MBL2: variants seen among roughly 807,000 people sequenced by gnomAD.
The protein encoded by MBL2 is mannose binding lectin 2.
MBL2 carries 6 observed loss-of-function variants against 12.7 expected under a neutral mutation model. The observed-to-expected ratio is 0.47, with a 90% CI of 0.26 to 0.94. The LOEUF is 0.94. Ranked by LOEUF, MBL2 falls within the 40% of genes least tolerant of loss-of-function variation. MBL2 has a pLI of 0.15. For synonymous variants in MBL2, 114 were observed against 112.0 expected (o/e 1.02, Z -0.11); for missense variants, 307 against 295.2 (o/e 1.04, Z -0.29).
chr10:52,768,126 G>A lies in MBL2; in HGVS notation c.*11C>T. Reference sequence around the variant, plus strand: ...GTAAAAAGACAAGGAGGGCCTGAGTGATATGACCCTTCAGATAGGGAACTC... The same window carrying A: ...GTAAAAAGACAAGGAGGGCCTGAGTAATATGACCCTTCAGATAGGGAACTC... On this transcript the variant is annotated 3_prime_UTR_variant, in exon 5 of 5. Coordinates refer to ENST00000674931, the MANE Select transcript of MBL2 (RefSeq NM_001378373.1). The A allele has an allele frequency of 1.3e-6, 2 of 1,590,702 alleles. No homozygotes were observed. The highest frequency in any genetic ancestry group is 1.7e-6 in the Non-Finnish European group (2 of 1,168,352).
chr10:52,768,473 C>T lies in MBL2; in HGVS notation c.411G>A (p.Lys137=). 3 of 1,593,518 alleles carry T rather than the reference C, an allele frequency of 1.9e-6. No homozygotes were observed. Among genetic ancestry groups the T allele is most frequent in the African/African-American group, 1.4e-5 (1 of 73,974 alleles). Reference sequence around the variant, plus strand: ...TTATTTCACCATTGGTCAGGAAGAACTTGTTCCCAACTTGTTTGCCCAGAG... The same window carrying T: ...TTATTTCACCATTGGTCAGGAAGAATTTGTTCCCAACTTGTTTGCCCAGAG... ...TFSLGKQVGN[K]FFLTNGEIMT... The change falls in exon 5 of 5, where the codon AAG becomes AAA. Residue 137 remains lysine (K), a synonymous_variant. Transcript: ENST00000674931.
Position 52,768,100 on chromosome 10 carries a change from A to G in MBL2, c.*37T>C. On this transcript the variant is annotated 3_prime_UTR_variant, in exon 5 of 5. Coordinates refer to ENST00000674931, the MANE Select transcript of MBL2 (RefSeq NM_001378373.1). ...AGCATACTGTGGGCCTGTGGGTTGC[A>G]GTAAAAAGACAAGGAGGGCCTGAGT... is the stretch of plus-strand genomic sequence containing the variant. 1 of 1,549,896 alleles carries G rather than the reference A, an allele frequency of 6.5e-7. No homozygotes were observed.
Position 52,766,250 on chromosome 10 carries a change from C to G in MBL2, c.*1887G>C, listed in dbSNP as rs1175163470. The G allele has an allele frequency of 2.0e-5, 3 of 152,040 alleles. No individual in the cohort carries two copies. The highest frequency in any genetic ancestry group is 4.8e-5 in the African/African-American group (2 of 41,404). The allele number at this position is 152,040 out of a possible 1,614,324, so 9.4% of individuals were successfully genotyped here. A position where few individuals can be genotyped will look rare whatever the true frequency, so the allele number is the denominator to read the frequency against. ...CTGTTTCTAATATTTATATGGAAAT[C>G]TTGACTTTAAGAAGAACAAAGCTGG... On this transcript the variant is annotated 3_prime_UTR_variant, in exon 5 of 5. Transcript: ENST00000674931.
Position 52,768,273 on chromosome 10 carries a change from G to C in MBL2, c.611C>G (p.Thr204Ser). ...TTCACCCTCGTTCCAGTTTGTGTAG[G>C]TCAGTCTATTTCCTGTCAGATCCAC... The part of the protein sequence containing the change: ...QFVDLTGNRL[T>S]YTNWNEGEPN... Residue 204 changes from threonine (T) to serine (S), a missense_variant, in exon 5 of 5, where the codon ACC (threonine) becomes AGC (serine). Transcript: ENST00000674931. 6.2e-7 allele frequency: 1 copy of C among 1,613,572 alleles called. No individual in the cohort carries two copies. The highest frequency in any genetic ancestry group is 8.5e-7 in the Non-Finnish European group (1 of 1,179,952).
intron 3 of MBL2, among the ~76,000 whole-genome samples, chr10:52,769,568 T>TA (rs2132692545): frequency 1.3e-5 from 2 of 152,334 alleles, no homozygotes; most frequent in South Asian, 4.1e-4. Flanking sequence ...CATGCACACA[T>TA]ATACTCCCTG....
chr10:52,771,775 G>A, intron 1 of MBL2, 131 bp from the exon 2 acceptor site: 20 of 1,317,278 alleles, frequency 1.5e-5, no homozygotes, highest in Non-Finnish European at 1.8e-5. Context: ...CTCTAGCTGG[G>A]GATTTGGAAA....
rs763814037 is a variant in MBL2, at chr10:52,769,452, A to T, written c.305-137T>A. Reference sequence around the variant, plus strand: ...ATTGATGTTTACACTTTGAAGGAAAATAAAAAATACTGAAAAGCCCAAAGA... The same window carrying T: ...ATTGATGTTTACACTTTGAAGGAAATTAAAAAATACTGAAAAGCCCAAAGA... On this transcript the variant is annotated intron_variant, in intron 3 of 4. Coordinates refer to ENST00000674931, the MANE Select transcript of MBL2 (RefSeq NM_001378373.1). The T allele has an allele frequency of 1.7e-4, 98 of 567,612 alleles. 1 individual carries two copies. In the Middle Eastern group the frequency reaches 2.5e-3, roughly 15 times the overall value. The allele number at this position is 567,612 out of a possible 1,614,324, so 35.2% of individuals were successfully genotyped here.
In MBL2 at chr10:52,768,511, C is replaced by T; in HGVS notation, c.374-1G>A. 6.5e-7 allele frequency: 1 copy of T among 1,532,038 alleles called. No homozygotes were observed. The highest frequency in any genetic ancestry group is 1.4e-5 in the African/African-American group (1 of 71,998). 94.9% of individuals were successfully genotyped at this position (1,532,038 alleles called of 1,614,324 possible). A position where few individuals can be genotyped will look rare whatever the true frequency, so the allele number is the denominator to read the frequency against. On this transcript the variant is annotated splice_acceptor_variant, in intron 4 of 4. Transcript: ENST00000674931. LOFTEE classifies it high-confidence loss of function. ...TGTTTGCCCAGAGAGAAGGTGAGCC[C>T]TAAAATGTGAAAAAGTGGGTGAAAC...
chr10:52,768,185 G>A lies in MBL2; in HGVS notation c.699C>T (p.Asp233=), dbSNP rs755979217. The change falls in exon 5 of 5, where the codon GAC becomes GAT. Residue 233 remains aspartate, a synonymous_variant. Transcript: ENST00000674931. ...CCAGATGGGAGGTGGAGCAGGGGAC[G>A]TCATTCCACTGGCCATTTTTCAGTA... ...VLLLKNGQWN[D]VPCSTSHLAV... The A allele has an allele frequency of 1.9e-5, 31 of 1,612,932 alleles. No individual in the cohort carries two copies. Among genetic ancestry groups the A allele is most frequent in the South Asian group, 1.2e-4 (11 of 90,962 alleles).
At chr10:52,771,838 C>A in intron 1 of MBL2, 194 bp from the exon 2 acceptor site, 1 of 725,730 alleles carries the variant, frequency 1.4e-6, no homozygotes, top group Middle Eastern at 4.1e-4. Context: ...AAGGTAGGCA[C>A]TATGATGAGC....
chr10:52,770,711 G>A lies in MBL2; in HGVS notation c.263C>T (p.Pro88Leu). 1 of 1,521,202 alleles carries A rather than the reference G, an allele frequency of 6.6e-7. No individual in the cohort carries two copies. The highest frequency in any genetic ancestry group is 8.9e-7 in the Non-Finnish European group (1 of 1,126,424). 94.2% of individuals were successfully genotyped at this position (1,521,202 alleles called of 1,614,324 possible). A position where few individuals can be genotyped will look rare whatever the true frequency, so the allele number is the denominator to read the frequency against. ...PPGNPGPSGSPGPKGQKGDPG... is the reference protein window; with the variant it reads ...PPGNPGPSGSLGPKGQKGDPG... Reference sequence around the variant, plus strand: ...GTCTCCTTTTTGGCCCTTTGGTCCTGGTGACCCAGAAGGCCCTGGATTTCC... The same window carrying A: ...GTCTCCTTTTTGGCCCTTTGGTCCTAGTGACCCAGAAGGCCCTGGATTTCC... The change falls in exon 3 of 5, where the codon CCA (proline) becomes CTA (leucine). Residue 88 changes from proline to leucine, a missense_variant. Coordinates refer to ENST00000674931, the MANE Select transcript of MBL2 (RefSeq NM_001378373.1).
At chr10:52,768,572 A>C in intron 4 of MBL2, 62 bp from the exon 5 acceptor site, 379 of 1,292,638 alleles carry the variant, frequency 2.9e-4, no homozygotes, top group Non-Finnish European at 3.7e-4. Context: ...GGTATTTCTC[A>C]AGAAAAAGTC....
At chr10:52,768,816 A>G (rs540861438) in intron 4 of MBL2, among the ~76,000 whole-genome samples, 1 of 152,222 alleles carries the variant, frequency 6.6e-6, no homozygotes, top group African/African-American at 2.4e-5. Flanking sequence ...CTTTCAGATC[A>G]GAATTCTAAA....
At position 52,771,438 on chromosome 10, in the gene MBL2, C is replaced by T; in HGVS notation, c.187+11G>A. ...TAAAGAATTGCAGAGACAGAACAGCCCAACACGTACCTGGTTCCCCCTTTT... is the reference window on the plus strand; with the variant it reads ...TAAAGAATTGCAGAGACAGAACAGCTCAACACGTACCTGGTTCCCCCTTTT... On this transcript the variant is annotated intron_variant, in intron 2 of 4. Coordinates refer to ENST00000674931, the MANE Select transcript of MBL2 (RefSeq NM_001378373.1). 2.5e-6 allele frequency: 4 copies of T among 1,613,046 alleles called. 1 individual carries two copies. The highest frequency in any genetic ancestry group is 3.4e-6 in the Non-Finnish European group (4 of 1,179,650).
rs1564435464 is a variant in MBL2 at position 52,768,433 on chromosome 10, CT to C, written c.450del (p.Val151Ter). The C allele has an allele frequency of 1.2e-6, 2 of 1,611,478 alleles. No individual in the cohort carries two copies. Among genetic ancestry groups the C allele is most frequent in the Admixed American group, 3.4e-5 (2 of 59,472 alleles). On this transcript the variant is annotated frameshift_variant, in exon 5 of 5. Coordinates refer to ENST00000674931, the MANE Select transcript of MBL2 (RefSeq NM_001378373.1). LOFTEE classifies it low-confidence loss of function (END_TRUNC). ...TGGAACTTGACACACAAGGCCTTCA[CT>C]TTTTCAAAGGTCATTATTTCACCAT... ...LTNGEIMTFE[K>X]VKALCVKFQA...
chr10:52,768,428 C>A lies in MBL2; in HGVS notation c.456G>T (p.Lys152Asn), dbSNP rs923026549. 6.2e-7 allele frequency: 1 copy of A among 1,611,934 alleles called. No individual in the cohort carries two copies. Among genetic ancestry groups the A allele is most frequent in the Non-Finnish European group, 8.5e-7 (1 of 1,179,494 alleles). ...NGEIMTFEKV[K>N]ALCVKFQASV... ...AGGCCTGGAACTTGACACACAAGGCCTTCACTTTTTCAAAGGTCATTATTT... is the reference window on the plus strand; with the variant it reads ...AGGCCTGGAACTTGACACACAAGGCATTCACTTTTTCAAAGGTCATTATTT... The change falls in exon 5 of 5, where the codon AAG (lysine) becomes AAT (asparagine). Residue 152 changes from lysine (K) to asparagine (N), a missense_variant. Physicochemically the swap from Lys to Asn is moderately conservative, Grantham distance 94. Transcript: ENST00000674931.
At chr10:52,770,280 G>A (rs1840371075) in intron 3 of MBL2, among the ~76,000 whole-genome samples, 1 of 152,212 alleles carries the variant, frequency 6.6e-6, no homozygotes, top group African/African-American at 2.4e-5. Flanking sequence ...TTAAGCTTTG[G>A]CTTGGTTTCT....
In MBL2 at chr10:52,772,764, T is replaced by A. The variant is rs1177279356; in HGVS notation, c.-37A>T. 1.0e-6 allele frequency: 1 copy of A among 985,138 alleles called. No homozygotes were observed. The highest frequency in any genetic ancestry group is 1.2e-6 in the Non-Finnish European group (1 of 829,884). 61.0% of individuals were successfully genotyped at this position (985,138 alleles called of 1,614,324 possible). A position where few individuals can be genotyped will look rare whatever the true frequency, so the allele number is the denominator to read the frequency against. ...GTGTTTCTGCAGAGCAGGGACTCAGTGACAAGGACGCTGGCCCTCTAGCCT... is the reference window on the plus strand; with the variant it reads ...GTGTTTCTGCAGAGCAGGGACTCAGAGACAAGGACGCTGGCCCTCTAGCCT... On this transcript the variant is annotated 5_prime_UTR_variant, in exon 1 of 5. Transcript: ENST00000674931.
Position 52,768,179 on chromosome 10 carries a change from G to A in MBL2, c.705C>T (p.Pro235=), listed in dbSNP as rs1436113328. 6.2e-6 allele frequency: 10 copies of A among 1,612,446 alleles called. No individual in the cohort carries two copies. The highest frequency in any genetic ancestry group is 1.3e-5 in the African/African-American group (1 of 74,838). The change falls in exon 5 of 5, where the codon CCC becomes CCT. Residue 235 remains proline (P), a synonymous_variant. Transcript: ENST00000674931. ...LLKNGQWNDV[P]CSTSHLAVCE... is the part of the protein sequence containing the mutation. ...AGACGGCCAGATGGGAGGTGGAGCA[G>A]GGGACGTCATTCCACTGGCCATTTT...
Sources: gnomAD v4.1 joint callset for allele counts (sites outside exome capture counted in the v4.1 genomes callset) on GRCh38, gnomAD v4.1.1 for gene constraint, MANE v1.5 for transcripts, NCBI Gene and HGNC (gene_info 2026-07-23, HGNC 2026-07-21) for gene names.